Variants in NARS2 observed in about 807,000 individuals in gnomAD.
NARS2 encodes the protein asparaginyl-tRNA synthetase.
Under a neutral mutation model 62.9 loss-of-function variants are expected in NARS2, and 60 were observed. That is an observed-to-expected ratio of 0.95 (90% CI 0.77 to 1.18). The LOEUF (loss-of-function observed/expected upper bound fraction) is 1.18, where lower values mean the gene tolerates loss of function less well. Among genes scored for constraint, NARS2 ranks in the 50% most tolerant of loss-of-function variants. The pLI, the probability that NARS2 is intolerant of heterozygous loss-of-function variation, is 0.00. For synonymous variants in NARS2, 196 were observed against 200.0 expected, an observed-to-expected ratio of 0.98 and a Z score of 0.17; for missense variants, 619 against 576.4, an observed-to-expected ratio of 1.07 and a Z score of -0.76.
At chr11:78,484,181 G>T (rs1265998892) in intron 7 of NARS2, among the ~76,000 whole-genome samples, 1 of 151,962 alleles carries the variant, frequency 6.6e-6, no homozygotes, top group African/African-American at 2.4e-5. Flanking sequence ...AAAACTGGCT[G>T]GTCATATGCA....
At chr11:78,492,643 A>G (rs1859876235) in intron 7 of NARS2, among the ~76,000 whole-genome samples, 1 of 152,218 alleles carries the variant, frequency 6.6e-6, no homozygotes, top group Non-Finnish European at 1.5e-5. Context: ...AGACATTTAT[A>G]TAATTATAAA....
intron 11 of NARS2, among the ~76,000 whole-genome samples, chr11:78,447,141 T>G (rs773233253): frequency 1.6e-4 from 24 of 150,848 alleles, no homozygotes; most frequent in Non-Finnish European, 3.0e-4. Flanking sequence ...AAAACCACAC[T>G]GAGTTATCAC....
At chr11:78,440,393 A>G (rs558452177) in intron 13 of NARS2, among the ~76,000 whole-genome samples, 1 of 151,522 alleles carries the variant, frequency 6.6e-6, no homozygotes, top group South Asian at 2.1e-4. Context: ...AGAGAGATCA[A>G]GCCCCATCTC....
chr11:78,551,566 C>A (rs1292644470), intron 5 of NARS2, among the ~76,000 whole-genome samples: 4 of 152,100 alleles, frequency 2.6e-5, no homozygotes, highest in African/African-American at 9.7e-5. Flanking sequence ...AAACCCTGCT[C>A]CAGGCTGGGC....
chr11:78,501,199 T>C (rs1237181301), intron 6 of NARS2, among the ~76,000 whole-genome samples: 4 of 152,230 alleles, frequency 2.6e-5, no homozygotes, highest in Admixed American at 6.5e-5. Flanking sequence ...AAAAAATTAG[T>C]AAGAGGAGTG....
At position 78,574,709 on chromosome 11, in the gene NARS2, G is replaced by C. The variant is rs897993593; in HGVS notation, c.-221C>G. 1.1e-5 allele frequency: 6 copies of C among 534,246 alleles called. No individual in the cohort carries two copies. The highest frequency in any genetic ancestry group is 2.0e-5 in the Non-Finnish European group (6 of 306,702). 33.1% of individuals were successfully genotyped at this position (534,246 alleles called of 1,614,324 possible). A position where few individuals can be genotyped will look rare whatever the true frequency, so the allele number is the denominator to read the frequency against. On this transcript the variant is annotated 5_prime_UTR_variant, in exon 1 of 14. Transcript: ENST00000281038. Reference sequence around the variant, plus strand: ...CTTCCCAACGGGGCGGAATGGACAGGACACTAGGCAAACGCCAGAAAGAAA... The same window carrying C: ...CTTCCCAACGGGGCGGAATGGACAGCACACTAGGCAAACGCCAGAAAGAAA...
chr11:78,562,548 G>C (rs1565286242), intron 4 of NARS2, among the ~76,000 whole-genome samples: 1 of 152,182 alleles, frequency 6.6e-6, no homozygotes, highest in African/African-American at 2.4e-5. Flanking sequence ...GAGAAAGAAA[G>C]AGCAGAATCT....
intron 13 of NARS2, among the ~76,000 whole-genome samples, chr11:78,438,611 T>TG (rs1381534567): frequency 6.6e-6 from 1 of 152,220 alleles, no homozygotes; most frequent in Non-Finnish European, 1.5e-5. Flanking sequence ...CTTTGATAGA[T>TG]GAAAAAATCC....
At chr11:78,455,539 C>T (rs772363390) in intron 11 of NARS2, among the ~76,000 whole-genome samples, 1 of 152,100 alleles carries the variant, frequency 6.6e-6, no homozygotes. Flanking sequence ...CTTTTAGTTA[C>T]TACCCCTACC....
rs146766275 is a variant in NARS2, at chr11:78,465,909, G to A, written c.1131C>T (p.Tyr377=). The part of the protein sequence containing the change: ...INYPLTLKPF[Y]MRDNEDGPQH... Reference sequence around the variant, plus strand: ...GAGGGCCATCTTCATTATCCCTCATGTAGAAAGGCTTGAGTGTTAATGGAT... The same window carrying A: ...GAGGGCCATCTTCATTATCCCTCATATAGAAAGGCTTGAGTGTTAATGGAT... Residue 377 remains tyrosine (Y), a synonymous_variant, in exon 11 of 14, where the codon TAC becomes TAT. Coordinates refer to ENST00000281038, the MANE Select transcript of NARS2 (RefSeq NM_024678.6). 1.4e-5 allele frequency: 23 copies of A among 1,613,994 alleles called. No individual in the cohort carries two copies. In the African/African-American group the frequency reaches 2.9e-4, roughly 21 times the overall value.
At chr11:78,566,964 T>C (rs931137049) in intron 3 of NARS2, among the ~76,000 whole-genome samples, 2 of 73,090 alleles carry the variant, frequency 2.7e-5, no homozygotes, top group African/African-American at 8.0e-5. Flanking sequence ...TTCAGTCTCA[T>C]CCATTCTAAG....
chr11:78,467,898 AG>A (rs972819363), intron 10 of NARS2, among the ~76,000 whole-genome samples: 6 of 152,028 alleles, frequency 3.9e-5, no homozygotes, highest in African/African-American at 1.5e-4. Flanking sequence ...CCTAGGCTGG[AG>A]GGCTGTAGTC....
chr11:78,486,453 G>A (rs1315828745), intron 7 of NARS2, among the ~76,000 whole-genome samples: 1 of 152,140 alleles, frequency 6.6e-6, no homozygotes. Flanking sequence ...TTCTGACAAT[G>A]AACTACAAAT....
rs1368453483 is a variant in NARS2, at chr11:78,464,659, T to TA, written c.1164+1216dup. ...GTGTGTTTTCAAACCTTGAGCTAGATAGAGTGCTGATTGGTGTATTTACAA... is the reference window on the plus strand; with the variant it reads ...GTGTGTTTTCAAACCTTGAGCTAGATAAGAGTGCTGATTGGTGTATTTACAA... On this transcript the variant is annotated intron_variant, in intron 11 of 13. Coordinates refer to ENST00000281038, the MANE Select transcript of NARS2 (RefSeq NM_024678.6). Among the ~76,000 whole-genome samples the TA allele has an allele frequency of 7.2e-5, 11 of 151,994 alleles. No homozygotes were observed. In the East Asian group the frequency reaches 1.6e-3, roughly 21 times the overall value.
intron 6 of NARS2, among the ~76,000 whole-genome samples, chr11:78,494,983 T>C (rs774854618): frequency 2.0e-5 from 3 of 152,198 alleles, no homozygotes; most frequent in Non-Finnish European, 4.4e-5. Flanking sequence ...TGGAAAACTC[T>C]GAAATCTCGC....
intron 13 of NARS2, among the ~76,000 whole-genome samples, chr11:78,440,690 A>G (rs6592776): frequency 1 from 152,194 of 152,212 alleles, 76,088 homozygotes; most frequent in Middle Eastern, 1. Flanking sequence ...CTGCCACCAT[A>G]CCCGGCTAAT....
In NARS2 at chr11:78,564,193, C is replaced by T. The variant is rs1856663612; in HGVS notation, c.513+1939G>A. Among the ~76,000 whole-genome samples, 3 of 150,524 alleles carry T rather than the reference C, an allele frequency of 2.0e-5. No homozygotes were observed. The South Asian group carries it at 6.3e-4, about 32-fold the overall frequency. On this transcript the variant is annotated intron_variant, in intron 4 of 13. Coordinates refer to ENST00000281038, the MANE Select transcript of NARS2 (RefSeq NM_024678.6). ...AGGATTACAGGTGTGAGCCACTGTGCCCAGTAATAATAATATTTTTAAGAC... is the reference window on the plus strand; with the variant it reads ...AGGATTACAGGTGTGAGCCACTGTGTCCAGTAATAATAATATTTTTAAGAC...
At chr11:78,542,946 G>A (rs1348234821) in intron 5 of NARS2, among the ~76,000 whole-genome samples, 2 of 152,198 alleles carry the variant, frequency 1.3e-5, no homozygotes, top group African/African-American at 4.8e-5. Context: ...TGCAGTTGCT[G>A]CAAGGAGGAA....
At chr11:78,559,085 A>G (rs1856467706) in intron 5 of NARS2, among the ~76,000 whole-genome samples, 1 of 152,146 alleles carries the variant, frequency 6.6e-6, no homozygotes, top group Non-Finnish European at 1.5e-5. Flanking sequence ...CAGGTGGATT[A>G]CAAGGTCAAG....
Sources: gnomAD v4.1 joint callset for allele counts (sites outside exome capture counted in the v4.1 genomes callset) on GRCh38, gnomAD v4.1.1 for gene constraint, MANE v1.5 for transcripts, NCBI Gene and HGNC (gene_info 2026-07-23, HGNC 2026-07-21) for gene names.